The following PLXDC2 variants were observed in gnomAD, a reference collection of about 807,000 sequenced individuals.
PLXDC2 encodes the protein plexin domain-containing protein 2.
In PLXDC2, 40 loss-of-function variants were observed where a neutral mutation model predicts 68.9. That is an observed-to-expected ratio of 0.58 (90% CI 0.45 to 0.76). The LOEUF (loss-of-function observed/expected upper bound fraction) is 0.76. PLXDC2 is among the 30% of genes least tolerant of loss of function. The pLI is 0.00. For missense variants in PLXDC2, 644 were observed against 661.9 expected, an observed-to-expected ratio of 0.97 and a Z score of 0.30; for synonymous variants, 243 against 234.2, an observed-to-expected ratio of 1.04 and a Z score of -0.34.
At chr10:19,838,517 T>C (rs1041389599) in intron 1 of PLXDC2, among the ~76,000 whole-genome samples, 1 of 152,168 alleles carries the variant, frequency 6.6e-6, no homozygotes, top group Non-Finnish European at 1.5e-5. Flanking sequence ...TCTCCTTAAA[T>C]TTATGAAGGT....
At chr10:19,849,324 A>T (rs1402946295) in intron 1 of PLXDC2, among the ~76,000 whole-genome samples, 2 of 78,958 alleles carry the variant, frequency 2.5e-5, no homozygotes, top group Non-Finnish European at 7.3e-5. Flanking sequence ...TCTCTCTCAC[A>T]CATACACACA....
intron 1 of PLXDC2, among the ~76,000 whole-genome samples, chr10:19,823,450 G>T (rs1389151038): frequency 6.6e-6 from 1 of 151,730 alleles, no homozygotes; most frequent in Non-Finnish European, 1.5e-5. Context: ...TTGGGAGGTG[G>T]AGGTGGGTAG....
At chr10:20,209,967 T>C (rs1171046283) in intron 9 of PLXDC2, among the ~76,000 whole-genome samples, 1 of 152,130 alleles carries the variant, frequency 6.6e-6, no homozygotes, top group East Asian at 1.9e-4. Flanking sequence ...GTCCATGAAA[T>C]CTTCACAATT....
chr10:20,261,183 G>T (rs139769082), intron 13 of PLXDC2, among the ~76,000 whole-genome samples: 4 of 152,062 alleles, frequency 2.6e-5, no homozygotes, highest in Non-Finnish European at 5.9e-5. Flanking sequence ...GTATAGAAGC[G>T]TTACAGTTTT....
intron 4 of PLXDC2, among the ~76,000 whole-genome samples, chr10:20,110,563 T>C (rs1833546195): frequency 3.3e-5 from 5 of 152,282 alleles, no homozygotes; most frequent in African/African-American, 9.6e-5. Flanking sequence ...TCCTGCCTTC[T>C]CTGGCTCCCT....
chr10:20,084,713 C>T (rs568344299), intron 4 of PLXDC2, among the ~76,000 whole-genome samples: 28 of 152,052 alleles, frequency 1.8e-4, no homozygotes, highest in Admixed American at 1.2e-3. Context: ...TTGTGTTTAA[C>T]GACACAGAGC....
chr10:20,253,172 C>T (rs1440249708), intron 13 of PLXDC2, among the ~76,000 whole-genome samples: 1 of 151,848 alleles, frequency 6.6e-6, no homozygotes, highest in African/African-American at 2.4e-5. Flanking sequence ...TGAGACCAGC[C>T]TGGCCAACAT....
chr10:19,998,771 C>T lies in PLXDC2; in HGVS notation c.113-3004C>T, dbSNP rs554494094. Among the ~76,000 whole-genome samples, 6 of 151,042 alleles carry T rather than the reference C, an allele frequency of 4.0e-5. No homozygotes were observed. The South Asian group carries it at 1.0e-3, about 26-fold the overall frequency. On this transcript the variant is annotated intron_variant, in intron 1 of 13. Transcript: ENST00000377252. ...AACAGCTGTCAATGGTAACAGCAAGCGAGAGATACAAAATCATAAAACGCT... is the reference window on the plus strand; with the variant it reads ...AACAGCTGTCAATGGTAACAGCAAGTGAGAGATACAAAATCATAAAACGCT...
intron 13 of PLXDC2, among the ~76,000 whole-genome samples, chr10:20,267,859 G>A (rs1277488359): frequency 7.0e-6 from 1 of 143,190 alleles, no homozygotes; most frequent in Non-Finnish European, 1.5e-5. Flanking sequence ...TTTTATTTTT[G>A]AAGTGTTGCA....
At chr10:20,138,813 T>C (rs777723229) in intron 4 of PLXDC2, among the ~76,000 whole-genome samples, 9 of 151,998 alleles carry the variant, frequency 5.9e-5, no homozygotes, top group Non-Finnish European at 1.3e-4. Context: ...CTCAGGAGGC[T>C]GAGACAGGAG....
chr10:20,095,490 A>C (rs1024193323), intron 4 of PLXDC2, among the ~76,000 whole-genome samples: 1 of 152,214 alleles, frequency 6.6e-6, no homozygotes, highest in Non-Finnish European at 1.5e-5. Flanking sequence ...AATATGGAAT[A>C]GCCTGACAGG....
intron 1 of PLXDC2, among the ~76,000 whole-genome samples, chr10:19,868,360 A>G (rs1034447009): frequency 1.8e-4 from 28 of 152,064 alleles, no homozygotes; most frequent in Non-Finnish European, 3.7e-4. Context: ...GTAGTTTTAT[A>G]TGAGATTTGG....
intron 7 of PLXDC2, among the ~76,000 whole-genome samples, chr10:20,175,655 C>A (rs544431825): frequency 6.6e-6 from 1 of 152,172 alleles, no homozygotes; most frequent in South Asian, 2.1e-4. Context: ...ATAACCAGAC[C>A]CCATTTTTAC....
intron 1 of PLXDC2, among the ~76,000 whole-genome samples, chr10:19,866,100 A>C (rs956982941): frequency 1.3e-5 from 2 of 152,210 alleles, no homozygotes; most frequent in African/African-American, 4.8e-5. Context: ...GGCTCTTTAG[A>C]ATGATTGAAA....
intron 7 of PLXDC2, among the ~76,000 whole-genome samples, chr10:20,170,111 G>T (rs897284439): frequency 6.6e-6 from 1 of 152,044 alleles, no homozygotes; most frequent in Non-Finnish European, 1.5e-5. Flanking sequence ...CTACAAAGAG[G>T]GTCTTTGAAC....
rs534436000 is a variant in PLXDC2, at chr10:19,860,077, T to C, written c.112+42886T>C. On this transcript the variant is annotated intron_variant, in intron 1 of 13. Transcript: ENST00000377252. The stretch of plus-strand genomic sequence containing the variant: ...AAAATCCTACTTTAGGTGAAATGTG[T>C]CATACAGATAAAAGCAAAGCTTATC... Among the ~76,000 whole-genome samples the C allele has an allele frequency of 3.4e-4, 52 of 152,254 alleles. 2 individuals carry two copies. The highest frequency in any genetic ancestry group is 3.3e-3 in the Admixed American group (51 of 15,286).
chr10:19,968,588 T>C (rs1439924926), intron 1 of PLXDC2, among the ~76,000 whole-genome samples: 2 of 152,104 alleles, frequency 1.3e-5, no homozygotes, highest in African/African-American at 4.8e-5. Flanking sequence ...GCTGGGAATA[T>C]AGGCATGAGC....
chr10:20,105,271 A>G (rs989187422), intron 4 of PLXDC2, among the ~76,000 whole-genome samples: 2 of 152,118 alleles, frequency 1.3e-5, no homozygotes, highest in Non-Finnish European at 2.9e-5. Flanking sequence ...TACCACAAAT[A>G]TTTGTGCCAC....
At chr10:19,821,334 T>C (rs1291909023) in intron 1 of PLXDC2, among the ~76,000 whole-genome samples, 1 of 152,186 alleles carries the variant, frequency 6.6e-6, no homozygotes, top group Non-Finnish European at 1.5e-5. Context: ...TAAGTGCGTC[T>C]CCATCCATCC....
Sources: allele counts gnomAD v4.1 joint callset (sites outside exome capture counted in the v4.1 genomes callset), GRCh38; gene constraint gnomAD v4.1.1; transcripts MANE v1.5; gene names NCBI Gene and HGNC (gene_info 2026-07-23, HGNC 2026-07-21).